ARNT: variants seen among roughly 807,000 people sequenced by gnomAD.
ARNT encodes the protein class E basic helix-loop-helix protein 2.
A neutral mutation model predicts 105.0 loss-of-function variants in ARNT; 30 were observed. The ratio of observed to expected loss-of-function variants is 0.29; its 90% CI spans 0.21 to 0.39. The LOEUF (loss-of-function observed/expected upper bound fraction) is 0.39. Among genes scored for constraint, ARNT ranks in the 10% least tolerant of loss-of-function variants. The probability of loss-of-function intolerance (pLI) is 1.00; values close to 1 mark genes in which losing one functional copy is unlikely to be tolerated. For missense variants in ARNT, 748 were observed against 978.7 expected (o/e 0.76, Z 3.15); for synonymous variants, 304 against 344.0 (o/e 0.88, Z 1.29).
chr1:150,839,425 T>A lies in ARNT; in HGVS notation c.486+16A>T, dbSNP rs766979876. 5 of 1,613,852 alleles carry A rather than the reference T, an allele frequency of 3.1e-6. No individual in the cohort carries two copies. The highest frequency in any genetic ancestry group is 3.3e-4 in the Middle Eastern group (2 of 6,060). ...CCCAGATTCCAGACTCTCTCAGAAC[T>A]ATAAGTCCCAGAGACCTGATCAGTG... On this transcript the variant is annotated intron_variant, in intron 6 of 21. Coordinates refer to ENST00000358595, the MANE Select transcript of ARNT (RefSeq NM_001668.4).
At chr1:150,866,998 G>A (rs1025920029) in intron 1 of ARNT, among the ~76,000 whole-genome samples, 13 of 152,114 alleles carry the variant, frequency 8.5e-5, no homozygotes, top group African/African-American at 3.1e-4. Flanking sequence ...TTGAGGACGG[G>A]AGTTCAAGAC....
chr1:150,816,725 A>T (rs1655952117), intron 18 of ARNT, 63 bp downstream of exon 18: 43 of 1,471,080 alleles, frequency 2.9e-5, no homozygotes, highest in Non-Finnish European at 3.6e-5. Context: ...GAAGAATAAA[A>T]TTTGGATTCA....
At chr1:150,874,206 T>C (rs1171737777) in intron 1 of ARNT, among the ~76,000 whole-genome samples, 3 of 152,146 alleles carry the variant, frequency 2.0e-5, no homozygotes, top group South Asian at 2.1e-4. Context: ...TCCACCTATG[T>C]CCCTCCATTC....
chr1:150,865,265 A>G (rs1041784035), intron 1 of ARNT, among the ~76,000 whole-genome samples: 3 of 152,220 alleles, frequency 2.0e-5, no homozygotes, highest in Admixed American at 2.0e-4. Flanking sequence ...AAAAATTTTT[A>G]AAAGCAAAAA....
intron 2 of ARNT, among the ~76,000 whole-genome samples, chr1:150,854,414 C>G (rs1571421317): frequency 8.2e-6 from 1 of 122,402 alleles, no homozygotes; most frequent in East Asian, 2.6e-4. Context: ...AAAAACTAAC[C>G]AGGCATGGTG....
At chr1:150,844,763 GT>G (rs781346501) in intron 4 of ARNT, among the ~76,000 whole-genome samples, 1 of 150,058 alleles carries the variant, frequency 6.7e-6, no homozygotes, top group Non-Finnish European at 1.5e-5. Context: ...ACAAATTTAA[GT>G]TTTTTTCAAT....
intron 13 of ARNT, among the ~76,000 whole-genome samples, chr1:150,823,551 G>C (rs1439047753): frequency 7.2e-6 from 1 of 138,440 alleles, no homozygotes; most frequent in East Asian, 2.1e-4. Context: ...AGAGACTTAA[G>C]CTTTTTTTTT....
At chr1:150,851,664 C>G (rs934590125) in intron 3 of ARNT, among the ~76,000 whole-genome samples, 1 of 151,948 alleles carries the variant, frequency 6.6e-6, no homozygotes, top group African/African-American at 2.4e-5. Context: ...AGGCAGCATG[C>G]GCATTAAGAG....
intron 13 of ARNT, among the ~76,000 whole-genome samples, chr1:150,826,081 T>C (rs910565753): frequency 1.3e-4 from 19 of 151,946 alleles, no homozygotes; most frequent in African/African-American, 4.3e-4. Flanking sequence ...ACCAGGCTAA[T>C]TTTTTGTATT....
intron 3 of ARNT, among the ~76,000 whole-genome samples, chr1:150,847,029 C>T (rs587724394): frequency 3.3e-5 from 5 of 152,280 alleles, no homozygotes; most frequent in South Asian, 4.1e-4. Context: ...GTGGACATTT[C>T]GGTTACTTCG....
chr1:150,872,757 G>A (rs915726657), intron 1 of ARNT, among the ~76,000 whole-genome samples: 1 of 152,272 alleles, frequency 6.6e-6, no homozygotes, highest in Admixed American at 6.5e-5. Context: ...GAGGCCAGGA[G>A]TTAAAGACCA....
chr1:150,824,504 G>T (rs1657790464), intron 13 of ARNT, among the ~76,000 whole-genome samples: 1 of 150,718 alleles, frequency 6.6e-6, no homozygotes. Flanking sequence ...CGCCAGGCTG[G>T]AGTGCAGTGG....
intron 19 of ARNT, 116 bp from the exon 20 acceptor site, chr1:150,814,355 A>G (rs1655393725): frequency 1.0e-6 from 1 of 969,862 alleles, no homozygotes; most frequent in Non-Finnish European, 1.5e-6. Flanking sequence ...CAAGCTCATC[A>G]CTTATTTCCT....
intron 14 of ARNT, among the ~76,000 whole-genome samples, chr1:150,819,428 A>G (rs1656613223): frequency 6.6e-6 from 1 of 152,216 alleles, no homozygotes; most frequent in African/African-American, 2.4e-5. Flanking sequence ...ACTAGTAAAC[A>G]AATATTCATG....
chr1:150,850,153 C>T (rs773060428), intron 3 of ARNT, among the ~76,000 whole-genome samples: 42 of 152,032 alleles, frequency 2.8e-4, no homozygotes, highest in Non-Finnish European at 5.9e-4. Flanking sequence ...TTTGGGAGGC[C>T]GAGGAGGGCG....
At chr1:150,813,049 G>A (rs1485226265) in intron 21 of ARNT, 123 bp downstream of exon 21, 2 of 1,091,802 alleles carry the variant, frequency 1.8e-6, no homozygotes, top group Admixed American at 2.4e-5. Flanking sequence ...ATCCCTCTCT[G>A]TCTTCTCACA....
chr1:150,858,565 T>G (rs893158039), intron 1 of ARNT, 105 bp from the exon 2 acceptor site: 9 of 886,956 alleles, frequency 1.0e-5, no homozygotes, highest in Non-Finnish European at 5.1e-6. Flanking sequence ...AGACAAAATC[T>G]CAGCAGTTTG....
chr1:150,848,250 G>GT (rs1662626144), intron 3 of ARNT, among the ~76,000 whole-genome samples: 1 of 152,208 alleles, frequency 6.6e-6, no homozygotes, highest in Admixed American at 6.5e-5. Context: ...TGGATCAGGA[G>GT]TTTGAGACCA....
chr1:150,816,562 A>G (rs1189751895), intron 18 of ARNT, among the ~76,000 whole-genome samples, 156 bp from the exon 19 acceptor site: 1 of 152,230 alleles, frequency 6.6e-6, no homozygotes, highest in East Asian at 1.9e-4. Context: ...AAAGACTGAC[A>G]GTCACACACT....
Sources: gnomAD v4.1 joint callset for allele counts (sites outside exome capture counted in the v4.1 genomes callset) on GRCh38, gnomAD v4.1.1 for gene constraint, MANE v1.5 for transcripts, NCBI Gene and HGNC (gene_info 2026-07-23, HGNC 2026-07-21) for gene names.